CDH18: variants seen among roughly 807,000 people sequenced by gnomAD.
The protein encoded by CDH18 is cadherin-18.
Under a neutral mutation model 67.9 loss-of-function variants are expected in CDH18, and 31 were observed. The observed-to-expected ratio is 0.46, with a 90% CI of 0.34 to 0.62. The LOEUF (loss-of-function observed/expected upper bound fraction) is 0.62. Among genes scored for constraint, CDH18 ranks in the 20% least tolerant of loss-of-function variants. The pLI, the probability that CDH18 is intolerant of heterozygous loss-of-function variation, is 0.01. For missense variants in CDH18, 890 were observed against 975.5 expected, an observed-to-expected ratio of 0.91 and a Z score of 1.17; for synonymous variants, 362 against 347.2, an observed-to-expected ratio of 1.04 and a Z score of -0.48.
intron 2 of CDH18, among the ~76,000 whole-genome samples, chr5:20,179,160 A>C (rs573469796): frequency 1.3e-5 from 2 of 152,304 alleles, no homozygotes; most frequent in South Asian, 4.1e-4. Context: ...TAATAATATT[A>C]AGAAAAACAT....
chr5:19,493,499 T>C (rs1741802009), intron 11 of CDH18, among the ~76,000 whole-genome samples: 2 of 151,716 alleles, frequency 1.3e-5, no homozygotes, highest in Non-Finnish European at 2.9e-5. Context: ...TGGTACATGC[T>C]GGACAGATAG....
At chr5:20,143,937 C>A (rs1241705116) in intron 2 of CDH18, among the ~76,000 whole-genome samples, 2 of 152,106 alleles carry the variant, frequency 1.3e-5, no homozygotes, top group African/African-American at 4.8e-5. Flanking sequence ...GGAATACAGA[C>A]ATAGTGATTC....
chr5:19,509,832 C>T (rs993176366), intron 10 of CDH18, among the ~76,000 whole-genome samples: 2 of 152,068 alleles, frequency 1.3e-5, no homozygotes, highest in African/African-American at 4.8e-5. Flanking sequence ...GAACTGTCTT[C>T]AAATTTCATG....
intron 1 of CDH18, among the ~76,000 whole-genome samples, chr5:20,366,180 T>C (rs1387898981): frequency 6.6e-6 from 1 of 152,162 alleles, no homozygotes; most frequent in East Asian, 1.9e-4. Context: ...CAAAATGAAA[T>C]TGATGATCTT....
Position 19,795,298 on chromosome 5 carries a change from G to A in CDH18, c.228+43461C>T, listed in dbSNP as rs149997770. On this transcript the variant is annotated intron_variant, in intron 3 of 12. Transcript: ENST00000382275. Reference sequence around the variant, plus strand: ...CTGGTCCAGAAGCATGTTTGACTTCGTGGTGTCATGATTCCCCATCCTTGT... The same window carrying A: ...CTGGTCCAGAAGCATGTTTGACTTCATGGTGTCATGATTCCCCATCCTTGT... 3.9e-3 allele frequency among the ~76,000 whole-genome samples: 595 copies of A among 152,292 alleles called. 2 individuals are homozygous for A. Among genetic ancestry groups the A allele is most frequent in the African/African-American group, 0.014 (575 of 41,566 alleles).
intron 7 of CDH18, among the ~76,000 whole-genome samples, chr5:19,581,804 T>C (rs1743297953): frequency 6.6e-6 from 1 of 150,770 alleles, no homozygotes. Context: ...ACTTATATTA[T>C]GGTATTTTGT....
intron 2 of CDH18, among the ~76,000 whole-genome samples, chr5:20,095,458 A>G (rs1476586902): frequency 7.5e-6 from 1 of 132,804 alleles, no homozygotes; most frequent in East Asian, 2.3e-4. Flanking sequence ...GAAAGAAAGA[A>G]AGAAGAAAGA....
chr5:19,512,936 C>T (rs957830595), intron 10 of CDH18, among the ~76,000 whole-genome samples: 4 of 151,916 alleles, frequency 2.6e-5, no homozygotes, highest in African/African-American at 9.7e-5. Flanking sequence ...TCCTGCCACC[C>T]TTTTTCTGAA....
chr5:20,459,615 C>T (rs1024962847), intron 1 of CDH18, among the ~76,000 whole-genome samples: 1 of 152,110 alleles, frequency 6.6e-6, no homozygotes, highest in African/African-American at 2.4e-5. Flanking sequence ...CCTCTGTGTA[C>T]TGAACATAAT....
chr5:19,858,459 GT>G (rs1784529056), intron 2 of CDH18, among the ~76,000 whole-genome samples: 1 of 152,148 alleles, frequency 6.6e-6, no homozygotes, highest in South Asian at 2.1e-4. Context: ...AATAAATCAA[GT>G]TGTGGCTTGA....
At position 20,271,995 on chromosome 5, in the gene CDH18, C is replaced by A. The variant is rs1194839305; in HGVS notation, c.-579-16490G>T. On this transcript the variant is annotated intron_variant, in intron 1 of 14. Coordinates refer to the CDH18 transcript ENST00000507958. ...GGTATTAGCTGCACTATTTTTTCAA[C>A]ATTTTGGACATTTTTATGAATAAAG... 2.0e-5 allele frequency among the ~76,000 whole-genome samples: 3 copies of A among 151,274 alleles called. No individual in the cohort carries two copies. In the South Asian group the frequency reaches 6.3e-4, roughly 32 times the overall value.
At chr5:20,308,472 G>C (rs192536687) in intron 1 of CDH18, among the ~76,000 whole-genome samples, 3 of 151,896 alleles carry the variant, frequency 2.0e-5, no homozygotes, top group Admixed American at 2.0e-4. Context: ...GAACCCGGGA[G>C]GGGGAGGTTG....
At chr5:19,649,592 T>A (rs1755270978) in intron 5 of CDH18, among the ~76,000 whole-genome samples, 1 of 152,046 alleles carries the variant, frequency 6.6e-6, no homozygotes, top group African/African-American at 2.4e-5. Flanking sequence ...TCACAACTAC[T>A]AATACCTGCA....
At chr5:20,438,205 A>G (rs1298238538) in intron 1 of CDH18, among the ~76,000 whole-genome samples, 1 of 149,966 alleles carries the variant, frequency 6.7e-6, no homozygotes, top group Non-Finnish European at 1.5e-5. Context: ...AATTTTGTAT[A>G]GAGTCAGACT....
At chr5:20,237,214 T>C (rs1394867587) in intron 2 of CDH18, among the ~76,000 whole-genome samples, 1 of 151,434 alleles carries the variant, frequency 6.6e-6, no homozygotes, top group Non-Finnish European at 1.5e-5. Flanking sequence ...AAAAGAAAAA[T>C]TATAGTTCAT....
chr5:20,363,180 G>A (rs1460542418), intron 1 of CDH18, among the ~76,000 whole-genome samples: 3 of 152,174 alleles, frequency 2.0e-5, no homozygotes, highest in African/African-American at 4.8e-5. Flanking sequence ...TTATGTTACT[G>A]TCCTGTTTAA....
chr5:20,509,406 C>CTTT (rs1754874821), intron 1 of CDH18, among the ~76,000 whole-genome samples: 3 of 105,446 alleles, frequency 2.8e-5, no homozygotes, highest in East Asian at 3.2e-4. Flanking sequence ...ACAGGATTTC[C>CTTT]CTTTTTTTTT....
upstream of CDH18, among the ~76,000 whole-genome samples, chr5:19,990,968 T>C (rs1287556439): frequency 1.3e-5 from 2 of 152,196 alleles, no homozygotes; most frequent in African/African-American, 2.4e-5. Context: ...GCATGGACAT[T>C]TCTGATACTG....
chr5:19,705,988 G>C (rs1580976188), intron 5 of CDH18, among the ~76,000 whole-genome samples: 1 of 152,154 alleles, frequency 6.6e-6, no homozygotes, highest in Non-Finnish European at 1.5e-5. Context: ...TAATGGTAAA[G>C]CTTCTTATTC....
Sources: allele counts gnomAD v4.1 joint callset (sites outside exome capture counted in the v4.1 genomes callset), GRCh38; gene constraint gnomAD v4.1.1; transcripts MANE v1.5; gene names NCBI Gene and HGNC (gene_info 2026-07-23, HGNC 2026-07-21).